The following IQCM variants were observed in gnomAD, a reference collection of about 807,000 sequenced individuals.
IQCM encodes the protein IQ motif containing M, also known as IQ domain-containing protein M.
In IQCM, 45 loss-of-function variants were observed where a neutral mutation model predicts 57.6. The observed-to-expected ratio is 0.78, with a 90% CI of 0.62 to 1.00. IQCM has a LOEUF of 1.00. Among genes scored for constraint, IQCM ranks in the 50% least tolerant of loss-of-function variants. IQCM has a pLI of 0.00. For synonymous variants in IQCM, 148 were observed against 158.9 expected (o/e 0.93, Z 0.51); for missense variants, 468 against 511.6 (o/e 0.91, Z 0.82).
At chr4:149,806,606 A>G (rs939153395) in intron 2 of IQCM, among the ~76,000 whole-genome samples, 5 of 152,012 alleles carry the variant, frequency 3.3e-5, no homozygotes, top group Non-Finnish European at 7.4e-5. Flanking sequence ...CTAGAAATTG[A>G]GAAATGGTAA....
intron 9 of IQCM, among the ~76,000 whole-genome samples, chr4:149,567,331 T>C (rs1750727017): frequency 6.6e-6 from 1 of 152,022 alleles, no homozygotes; most frequent in Admixed American, 6.6e-5. Flanking sequence ...ACATTCAAGT[T>C]CCAAATTTTA....
chr4:149,360,979 T>C (rs1465239837), intron 13 of IQCM, among the ~76,000 whole-genome samples: 2 of 152,176 alleles, frequency 1.3e-5, no homozygotes, highest in African/African-American at 2.4e-5. Flanking sequence ...GTTGAATGGC[T>C]TTGCCCAAAA....
At chr4:149,624,490 A>G (rs1434878182) in intron 7 of IQCM, among the ~76,000 whole-genome samples, 1 of 152,306 alleles carries the variant, frequency 6.6e-6, no homozygotes, top group African/African-American at 2.4e-5. Context: ...CCAAAACCTA[A>G]TAAGTAGTTG....
chr4:149,659,905 C>A (rs1010099919), intron 7 of IQCM, among the ~76,000 whole-genome samples: 24 of 151,736 alleles, frequency 1.6e-4, no homozygotes, highest in African/African-American at 4.8e-4. Flanking sequence ...CATTACCATT[C>A]AGGACATAGG....
At chr4:149,583,079 G>A (rs774193675) in intron 9 of IQCM, among the ~76,000 whole-genome samples, 117 of 151,532 alleles carry the variant, frequency 7.7e-4, no homozygotes, top group Non-Finnish European at 2.1e-4. Context: ...AAAATATTTA[G>A]AATTGGTAAT....
Position 149,733,503 on chromosome 4 carries a change from T to G in IQCM, c.126A>C (p.Lys42Asn), listed in dbSNP as rs980463959. The G allele has an allele frequency of 8.2e-7, 1 of 1,222,216 alleles. No individual in the cohort carries two copies. The highest frequency in any genetic ancestry group is 3.2e-5 in the East Asian group (1 of 31,666). 75.7% of individuals were successfully genotyped at this position (1,222,216 alleles called of 1,614,324 possible). The change falls in exon 5 of 14, where the codon AAA becomes AAC. Residue 42 changes from lysine (K) to asparagine (N), a missense_variant. By Grantham distance (94) the Lys-to-Asn change is moderately conservative. Transcript: ENST00000636793. ...AAACATTTATAGAAGTACCTTGAAC[T>G]TTATTCTATGAATAAAACAAAAATA... The part of the protein sequence containing the change: ...AQHYEKINEN[K>N]VQGTSINVFR...
chr4:149,548,063 G>A (rs779316069), intron 12 of IQCM, among the ~76,000 whole-genome samples: 9 of 152,110 alleles, frequency 5.9e-5, no homozygotes, highest in Non-Finnish European at 1.0e-4. Context: ...TAACTTGACC[G>A]TGTTCTCCAA....
intron 12 of IQCM, among the ~76,000 whole-genome samples, chr4:149,494,711 G>T (rs984387988): frequency 5.9e-5 from 9 of 152,114 alleles, no homozygotes; most frequent in African/African-American, 2.2e-4. Flanking sequence ...TGGAGGTGGA[G>T]CCCATGAGAC....
intron 12 of IQCM, among the ~76,000 whole-genome samples, chr4:149,464,472 C>A (rs899412332): frequency 3.9e-5 from 6 of 152,142 alleles, no homozygotes; most frequent in Non-Finnish European, 7.4e-5. Context: ...AAGCCCCTGG[C>A]CCCTAAGGTT....
intron 2 of IQCM, among the ~76,000 whole-genome samples, chr4:149,805,418 T>C (rs1773984596): frequency 6.6e-6 from 1 of 152,022 alleles, no homozygotes; most frequent in African/African-American, 2.4e-5. Context: ...TTTTTCGACA[T>C]TTTCCATCCT....
At chr4:149,683,555 G>A (rs866492473) in intron 6 of IQCM, among the ~76,000 whole-genome samples, 4 of 151,252 alleles carry the variant, frequency 2.6e-5, no homozygotes, top group Non-Finnish European at 5.9e-5. Flanking sequence ...TGTATCAAGA[G>A]AAAATAGAGA....
intron 5 of IQCM, among the ~76,000 whole-genome samples, chr4:149,724,503 TCATA>T (rs1765718489): frequency 6.6e-6 from 1 of 151,756 alleles, no homozygotes; most frequent in Non-Finnish European, 1.5e-5. Context: ...ACACGTACAC[TCATA>T]CAAATATGTA....
At chr4:149,509,235 G>A (rs1431530272) in intron 12 of IQCM, among the ~76,000 whole-genome samples, 2 of 152,084 alleles carry the variant, frequency 1.3e-5, no homozygotes, top group East Asian at 1.9e-4. Context: ...CTGTTTGGGA[G>A]ATTGAAGTTT....
At chr4:149,706,082 A>T (rs867932142) in intron 5 of IQCM, among the ~76,000 whole-genome samples, 13 of 152,044 alleles carry the variant, frequency 8.6e-5, no homozygotes, top group African/African-American at 2.4e-4. Context: ...ATTCTTTTTT[A>T]AAAAAGTTTC....
chr4:149,779,220 A>G (rs1771378774), intron 2 of IQCM, among the ~76,000 whole-genome samples: 1 of 152,208 alleles, frequency 6.6e-6, no homozygotes, highest in African/African-American at 2.4e-5. Flanking sequence ...GTTTAAAACA[A>G]TTCCTATACA....
intron 13 of IQCM, among the ~76,000 whole-genome samples, chr4:149,393,950 A>T (rs954275028): frequency 1.3e-5 from 2 of 151,954 alleles, no homozygotes; most frequent in Non-Finnish European, 2.9e-5. Context: ...CTCTAAACAA[A>T]TGTTGCATGG....
chr4:149,534,023 C>T (rs954833615), intron 12 of IQCM, among the ~76,000 whole-genome samples: 3 of 151,768 alleles, frequency 2.0e-5, no homozygotes, highest in Non-Finnish European at 4.4e-5. Flanking sequence ...AATTCTACTG[C>T]TTTATTTGTC....
At chr4:149,412,721 T>A (rs1176247636) in intron 13 of IQCM, among the ~76,000 whole-genome samples, 1 of 152,202 alleles carries the variant, frequency 6.6e-6, no homozygotes, top group Non-Finnish European at 1.5e-5. Flanking sequence ...GTCTGAATAA[T>A]GGAGTATGCA....
At chr4:149,403,232 CA>C (rs1175503711) in intron 13 of IQCM, among the ~76,000 whole-genome samples, 1 of 151,902 alleles carries the variant, frequency 6.6e-6, no homozygotes, top group Non-Finnish European at 1.5e-5. Context: ...TCTTTCCAAA[CA>C]AAATTTCTTT....
Sources: allele counts gnomAD v4.1 joint callset (sites outside exome capture counted in the v4.1 genomes callset), GRCh38; gene constraint gnomAD v4.1.1; transcripts MANE v1.5; gene names NCBI Gene and HGNC (gene_info 2026-07-23, HGNC 2026-07-21).